KIF19: variants seen among roughly 807,000 people sequenced by gnomAD.
KIF19 encodes the protein kinesin family member 19.
In KIF19, 98 loss-of-function variants were observed where a neutral mutation model predicts 106.6. The observed-to-expected ratio is 0.92, with a 90% confidence interval of 0.78 to 1.09. The LOEUF is 1.09. KIF19 is among the 50% of genes least tolerant of loss of function. The probability of loss-of-function intolerance (pLI) is 0.00; values close to 1 mark genes in which losing one functional copy is unlikely to be tolerated. For missense variants in KIF19, 1,373 were observed against 1,414.3 expected (o/e 0.97, Z 0.47); for synonymous variants, 516 against 584.2 (o/e 0.88, Z 1.68).
chr17:74,350,704 C>A lies in KIF19; in HGVS notation c.1389-3C>A, dbSNP rs1444507528. ...CCTGTCTCTCTGGGTGGGGCTGCGG[C>A]AGCTGGAAGCATGAGAAGTCCCGCC... On this transcript the variant is annotated splice_region_variant and splice_polypyrimidine_tract_variant and intron_variant, in intron 11 of 19. Transcript: ENST00000389916. 2 of 1,613,580 alleles carry A rather than the reference C, an allele frequency of 1.2e-6. No homozygotes were observed. Among genetic ancestry groups the A allele is most frequent in the Non-Finnish European group, 1.7e-6 (2 of 1,179,870 alleles).
intron 2 of KIF19, among the ~76,000 whole-genome samples, chr17:74,341,394 G>T (rs1411166541): frequency 6.6e-6 from 1 of 152,234 alleles, no homozygotes; most frequent in African/African-American, 2.4e-5. Flanking sequence ...AGCCCTGACA[G>T]ATGCTGCCCG....
intron 2 of KIF19, among the ~76,000 whole-genome samples, chr17:74,332,475 A>G (rs1038855249): frequency 1.3e-5 from 2 of 152,046 alleles, no homozygotes; most frequent in African/African-American, 4.8e-5. Flanking sequence ...CATCCCTCCC[A>G]AAGCCTGCAG....
Position 74,354,152 on chromosome 17 carries a change from C to G in KIF19, c.2309-10C>G. The G allele has an allele frequency of 6.3e-7, 1 of 1,595,828 alleles. No individual in the cohort carries two copies. Among genetic ancestry groups the G allele is most frequent in the Non-Finnish European group, 8.5e-7 (1 of 1,173,254 alleles). ...ATCTCGGGTTGTATGTTCCCCGTGT[C>G]CCGCTGCAGAGAGGAAGGAGATCCT... is the stretch of plus-strand genomic sequence containing the variant. On this transcript the variant is annotated splice_polypyrimidine_tract_variant and intron_variant, in intron 17 of 19. Coordinates refer to ENST00000389916, the MANE Select transcript of KIF19 (RefSeq NM_153209.4).
Position 74,344,203 on chromosome 17 carries a change from T to TC in KIF19, c.457-15dup, listed in dbSNP as rs761688622. The TC allele has an allele frequency of 1.8e-6, 2 of 1,096,442 alleles. No individual in the cohort carries two copies. Among genetic ancestry groups the TC allele is most frequent in the East Asian group, 5.7e-5 (2 of 35,014 alleles). 67.9% of individuals were successfully genotyped at this position (1,096,442 alleles called of 1,614,324 possible). On this transcript the variant is annotated intron_variant, in intron 5 of 19. Coordinates refer to ENST00000389916, the MANE Select transcript of KIF19 (RefSeq NM_153209.4). Reference sequence around the variant, plus strand: ...CCCTTAGTCTCCCTTCCCCCACCCCTCCCCCACCTGTCCCGTCAGATCTAC... The same window carrying TC: ...CCCTTAGTCTCCCTTCCCCCACCCCTCCCCCCACCTGTCCCGTCAGATCTAC...
At chr17:74,353,113 A>C in intron 15 of KIF19, 83 bp from the exon 16 acceptor site, 3 of 1,410,160 alleles carry the variant, frequency 2.1e-6, no homozygotes, top group Non-Finnish European at 2.9e-6. Context: ...CTTTCACACC[A>C]ACAGCTTCTC....
Position 74,350,733 on chromosome 17 carries a change from C to T in KIF19, c.1415C>T (p.Ala472Val). The T allele has an allele frequency of 6.2e-7, 1 of 1,613,932 alleles. No homozygotes were observed. The highest frequency in any genetic ancestry group is 8.5e-7 in the Non-Finnish European group (1 of 1,179,900). The change falls in exon 12 of 20, where the codon GCC becomes GTC. Residue 472 changes from alanine to valine, a missense_variant. This residue lies in a region of KIF19 where 1,020 missense variants were observed against 1,008.2 expected (regional missense o/e 1.01). Coordinates refer to ENST00000389916, the MANE Select transcript of KIF19 (RefSeq NM_153209.4). ...TGGAAGCATGAGAAGTCCCGCCGGGCCCTCAAATGGCGGGAGGAGCAGCGA... is the reference window on the plus strand; with the variant it reads ...TGGAAGCATGAGAAGTCCCGCCGGGTCCTCAAATGGCGGGAGGAGCAGCGA... ...AGWKHEKSRR[A>V]LKWREEQRKE... is the part of the protein sequence containing the mutation.
intron 1 of KIF19, 118 bp from the exon 2 acceptor site, chr17:74,328,307 G>T: frequency 1.2e-6 from 1 of 856,922 alleles, no homozygotes; most frequent in Non-Finnish European, 1.9e-6. Context: ...GTTTTACTTA[G>T]GACAAGGGAG....
chr17:74,342,875 G>T (rs1324614575), intron 4 of KIF19, 149 bp from the exon 5 acceptor site: 1 of 1,185,126 alleles, frequency 8.4e-7, no homozygotes, highest in South Asian at 1.5e-5. Context: ...AACCCGAGCC[G>T]GGGCATCATC....
chr17:74,333,855 TTTTTTTTC>T (rs1035716602), intron 2 of KIF19, among the ~76,000 whole-genome samples: 8 of 115,152 alleles, frequency 6.9e-5, no homozygotes, highest in East Asian at 7.0e-4. Context: ...TTTTTTTTCT[TTTTTTTTC>T]TTTTTTTTTT....
chr17:74,337,349 G>T (rs1353908785), intron 2 of KIF19, among the ~76,000 whole-genome samples: 5 of 128,380 alleles, frequency 3.9e-5, no homozygotes, highest in Admixed American at 7.5e-5. Flanking sequence ...GGTGGGGGGG[G>T]TGCCTGGGTG....
intron 5 of KIF19, among the ~76,000 whole-genome samples, chr17:74,343,780 G>A (rs569324746): frequency 1.9e-4 from 29 of 152,320 alleles, no homozygotes; most frequent in African/African-American, 6.5e-4. Context: ...CTCGCTTTAC[G>A]GGGTGGGGGT....
chr17:74,335,430 T>C (rs1405045299), intron 2 of KIF19, among the ~76,000 whole-genome samples: 1 of 152,264 alleles, frequency 6.6e-6, no homozygotes, highest in Non-Finnish European at 1.5e-5. Flanking sequence ...CTCACCTAGA[T>C]GCTTGGGATG....
rs537984885 is a variant in KIF19, at chr17:74,350,753, C to A, written c.1435C>A (p.Gln479Lys). The change falls in exon 12 of 20, where the codon CAG becomes AAG. Residue 479 changes from glutamine to lysine, a missense_variant. Coordinates refer to ENST00000389916, the MANE Select transcript of KIF19 (RefSeq NM_153209.4). The stretch of plus-strand genomic sequence containing the variant: ...CCGGGCCCTCAAATGGCGGGAGGAG[C>A]AGCGAAAGGAGTGCTACGCTAAGGA... ...SRRALKWREEQRKECYAKDDS... is the reference protein window; with the variant it reads ...SRRALKWREEKRKECYAKDDS... 4.0e-5 allele frequency: 64 copies of A among 1,613,950 alleles called. No homozygotes were observed. In the Admixed American group the frequency reaches 1.0e-3, roughly 26 times the overall value.
rs1222696786 is a variant in KIF19, at chr17:74,346,090, C to T, written c.778-288C>T. On this transcript the variant is annotated intron_variant, in intron 7 of 19. Transcript: ENST00000389916. The surrounding 1 kb of genome is among the most constrained non-coding windows in gnomAD (Gnocchi z 4.6). ...GCTGCCTGGAAAGCAACCTCCCTCC[C>T]ATCTCATCCATGGCACTGTGTGTCA... 5.3e-5 allele frequency among the ~76,000 whole-genome samples: 8 copies of T among 152,250 alleles called. No homozygotes were observed. Among genetic ancestry groups the T allele is most frequent in the African/African-American group, 1.9e-4 (8 of 41,470 alleles).
intron 2 of KIF19, among the ~76,000 whole-genome samples, chr17:74,335,437 G>A (rs1251960692): frequency 6.6e-6 from 1 of 152,262 alleles, no homozygotes; most frequent in Admixed American, 6.5e-5. Flanking sequence ...AGATGCTTGG[G>A]ATGAGCCTGG....
At chr17:74,329,070 G>A (rs1198340174) in intron 2 of KIF19, 1 of 152,332 alleles carries the variant, frequency 6.6e-6, no homozygotes, top group African/African-American at 2.4e-5. Context: ...TCAAAGAATT[G>A]CATCACAAAC....
intron 2 of KIF19, among the ~76,000 whole-genome samples, chr17:74,334,179 G>A (rs73362540): frequency 0.1 from 15,647 of 152,006 alleles, 1,208 homozygotes; most frequent in East Asian, 0.35. Flanking sequence ...TGGATTCACC[G>A]TGTTCTGTTT....
intron 2 of KIF19, among the ~76,000 whole-genome samples, chr17:74,334,433 G>A (rs1173882097): frequency 6.6e-6 from 1 of 152,112 alleles, no homozygotes; most frequent in Non-Finnish European, 1.5e-5. Context: ...GACCCTTTGA[G>A]AGACACAGCC....
At chr17:74,340,807 G>GC (rs2054351882) in intron 2 of KIF19, among the ~76,000 whole-genome samples, 1 of 152,250 alleles carries the variant, frequency 6.6e-6, no homozygotes, top group African/African-American at 2.4e-5. Context: ...GCTGCCTGTG[G>GC]CTCTTTGCTC....
Sources: gnomAD v4.1 joint callset for allele counts (sites outside exome capture counted in the v4.1 genomes callset) on GRCh38, gnomAD v4.1.1 for gene constraint, gnomAD v4.1.1 regional missense constraint, Gnocchi (gnomAD v3.1) non-coding constraint, MANE v1.5 for transcripts, NCBI Gene and HGNC (gene_info 2026-07-23, HGNC 2026-07-21) for gene names.